The following HDLBP variants were observed in gnomAD, a reference collection of about 807,000 sequenced individuals.
HDLBP encodes the protein high density lipoprotein binding protein, also known as vigilin.
In HDLBP, 30 loss-of-function variants were observed where a neutral mutation model predicts 137.3. That is an observed-to-expected ratio of 0.22 (90% CI 0.16 to 0.30). HDLBP has a LOEUF of 0.30. HDLBP is among the 10% of genes least tolerant of loss of function. The pLI is 1.00. For missense variants in HDLBP, 1,119 were observed against 1,667.3 expected (o/e 0.67, Z 5.73); for synonymous variants, 606 against 596.0 (o/e 1.02, Z -0.24).
chr2:241,231,646 A>AGGCTGGC (rs1334882963), intron 24 of HDLBP, among the ~76,000 whole-genome samples: 58 of 151,736 alleles, frequency 3.8e-4, no homozygotes, highest in Non-Finnish European at 1.5e-5. Flanking sequence ...TGGAGGCTGG[A>AGGCTGGC]GGCTGGCTGG....
Position 241,304,529 on chromosome 2 carries a change from G to A in HDLBP, c.-103+11041C>T, listed in dbSNP as rs137942399. 4.3e-4 allele frequency among the ~76,000 whole-genome samples: 65 copies of A among 152,376 alleles called. 1 individual carries two copies. The East Asian group carries it at 0.01, about 24-fold the overall frequency. On this transcript the variant is annotated intron_variant, in intron 1 of 27. Transcript: ENST00000310931. Reference sequence around the variant, plus strand: ...CAGCAGGTTACTGCAGAGATAGGCCGTGAGTGCCTAAATGGCTTTAGGGCT... The same window carrying A: ...CAGCAGGTTACTGCAGAGATAGGCCATGAGTGCCTAAATGGCTTTAGGGCT...
intron 5 of HDLBP, among the ~76,000 whole-genome samples, chr2:241,261,184 G>A (rs1172356545): frequency 2.8e-5 from 3 of 105,666 alleles, no homozygotes; most frequent in Non-Finnish European, 5.3e-5. Context: ...AACAAAGTGA[G>A]ATCCTGTCTC....
Position 241,272,907 on chromosome 2 carries a change from G to GCCCCGCCGCTGGGGT in HDLBP, c.-102-4381_-102-4367dup, listed in dbSNP as rs1382890802. On this transcript the variant is annotated intron_variant, in intron 1 of 27. Coordinates refer to ENST00000310931, the MANE Select transcript of HDLBP (RefSeq NM_005336.6). This position sits in a 1 kb window ranked among gnomAD's most constrained non-coding sequence, Gnocchi z 5.6. ...CGCCTGGACACGTCAGCGCCCGCCC[G>GCCCCGCCGCTGGGGT]CCCCGCCGCTGGGGTCCCCGCCGCC... is the stretch of plus-strand genomic sequence containing the variant. The GCCCCGCCGCTGGGGT allele has an allele frequency of 1.3e-5, 8 of 610,078 alleles. No individual in the cohort carries two copies. The highest frequency in any genetic ancestry group is 7.1e-5 in the South Asian group (1 of 14,136). 37.8% of individuals were successfully genotyped at this position (610,078 alleles called of 1,614,324 possible). A position where few individuals can be genotyped will look rare whatever the true frequency, so the allele number is the denominator to read the frequency against.
chr2:241,255,259 A>G (rs2072524280), intron 8 of HDLBP, 101 bp from the exon 9 acceptor site: 2 of 1,426,992 alleles, frequency 1.4e-6, no homozygotes, highest in African/African-American at 2.8e-5. Context: ...GCTCTCCCCA[A>G]ACCTGGGCAC....
At position 241,230,987 on chromosome 2, in the gene HDLBP, G is replaced by GGA; in HGVS notation, c.3289-45_3289-44dup. On this transcript the variant is annotated intron_variant, in intron 24 of 27. Coordinates refer to ENST00000310931, the MANE Select transcript of HDLBP (RefSeq NM_005336.6). This position sits in a 1 kb window ranked among gnomAD's most constrained non-coding sequence, Gnocchi z 5.0. ...AGTCAGAAAAGGGGATGCCTTACTG[G>GGA]GATTCCCGTCAGGGGCAAGAGCCGG... 1 of 1,568,710 alleles carries GGA rather than the reference G, an allele frequency of 6.4e-7. No homozygotes were observed. Among genetic ancestry groups the GGA allele is most frequent in the Non-Finnish European group, 8.8e-7 (1 of 1,141,436 alleles).
At chr2:241,255,802 C>T (rs969956553) in intron 7 of HDLBP, among the ~76,000 whole-genome samples, 19 of 152,334 alleles carry the variant, frequency 1.2e-4, no homozygotes, top group African/African-American at 3.8e-4. Flanking sequence ...CTGATAACTT[C>T]GTCCTTGAAC....
chr2:241,299,412 G>A (rs1044315364), intron 1 of HDLBP, among the ~76,000 whole-genome samples: 1 of 149,494 alleles, frequency 6.7e-6, no homozygotes, highest in African/African-American at 2.5e-5. Context: ...AGCTACTCGG[G>A]AGGCTGAGGC....
At chr2:241,310,727 A>G (rs906248010) in intron 1 of HDLBP, among the ~76,000 whole-genome samples, 7 of 152,224 alleles carry the variant, frequency 4.6e-5, no homozygotes, top group African/African-American at 1.4e-4. Context: ...GTTGAAGAAC[A>G]TGAGTTGCAA....
At chr2:241,241,305 C>G (rs1170987462) in intron 17 of HDLBP, among the ~76,000 whole-genome samples, 1 of 152,042 alleles carries the variant, frequency 6.6e-6, no homozygotes, top group Non-Finnish European at 1.5e-5. Flanking sequence ...CAGTGGCTCA[C>G]GCCTGTAATC....
chr2:241,255,173 G>A lies in HDLBP; in HGVS notation c.1081-15C>T, dbSNP rs368277659. 5.6e-6 allele frequency: 9 copies of A among 1,608,386 alleles called. No homozygotes were observed. The East Asian group carries it at 2.0e-4, about 36-fold the overall frequency. ...AAGCTATTGGCCTAAGAAAATGGGA[G>A]AACAGCCATGGGTTTGCAGAGCTCA... On this transcript the variant is annotated splice_polypyrimidine_tract_variant and intron_variant, in intron 8 of 27. Coordinates refer to ENST00000310931, the MANE Select transcript of HDLBP (RefSeq NM_005336.6).
Position 241,238,100 on chromosome 2 carries a change from G to C in HDLBP, c.2749+549C>G, listed in dbSNP as rs932347975. Among the ~76,000 whole-genome samples the C allele has an allele frequency of 6.6e-6, 1 of 152,226 alleles. No homozygotes were observed. The highest frequency in any genetic ancestry group is 1.5e-5 in the Non-Finnish European group (1 of 68,038). On this transcript the variant is annotated intron_variant, in intron 20 of 27. Transcript: ENST00000310931. The surrounding 1 kb of genome is among the most constrained non-coding windows in gnomAD (Gnocchi z 4.9). ...CTTTTGTTTCACAAATGCAGAGCAA[G>C]TGAGAGAGAGGCAACCGACCCGCAT...
At position 241,249,878 on chromosome 2, in the gene HDLBP, T is replaced by G; in HGVS notation, c.1475A>C (p.Gln492Pro). 1 of 1,613,388 alleles carries G rather than the reference T, an allele frequency of 6.2e-7. No homozygotes were observed. Among genetic ancestry groups the G allele is most frequent in the Non-Finnish European group, 8.5e-7 (1 of 1,179,716 alleles). The part of the protein sequence containing the change: ...RIEGDPQGVQ[Q>P]AKRELLELAS... Reference sequence around the variant, plus strand: ...AAGCTCCAGCAGCTCTCGCTTGGCCTGCTGCACGCCCTGTGGGTCCCCCTC... The same window carrying G: ...AAGCTCCAGCAGCTCTCGCTTGGCCGGCTGCACGCCCTGTGGGTCCCCCTC... The change falls in exon 12 of 28, where the codon CAG becomes CCG. Residue 492 changes from glutamine to proline, a missense_variant. This residue lies in a region of HDLBP where 425 missense variants were observed against 693.9 expected (regional missense o/e 0.61). Coordinates refer to ENST00000310931, the MANE Select transcript of HDLBP (RefSeq NM_005336.6).
At chr2:241,253,615 T>TGAGG (rs1343703715) in intron 9 of HDLBP, 118 bp from the exon 10 acceptor site, 1 of 698,478 alleles carries the variant, frequency 1.4e-6, no homozygotes, top group Non-Finnish European at 2.6e-6. Flanking sequence ...CACATAGATG[T>TGAGG]GAGGGAGGGA....
In HDLBP at chr2:241,272,730, C is replaced by CA. The variant is rs2074202734; in HGVS notation, c.-102-4190dup. On this transcript the variant is annotated intron_variant, in intron 1 of 27. Coordinates refer to ENST00000310931, the MANE Select transcript of HDLBP (RefSeq NM_005336.6). The surrounding 1 kb of genome is among the most constrained non-coding windows in gnomAD (Gnocchi z 5.6). ...CGCCCGCCCCGTCCGCCCGCCCGCC[C>CA]AGGCCTCCCAGCCCCGTGTTGCGCG... 1 of 455,480 alleles carries CA rather than the reference C, an allele frequency of 2.2e-6. No individual in the cohort carries two copies. The allele number at this position is 455,480 out of a possible 1,614,324, so 28.2% of individuals were successfully genotyped here.
chr2:241,303,973 T>C (rs373346440), intron 1 of HDLBP, among the ~76,000 whole-genome samples: 50 of 152,234 alleles, frequency 3.3e-4, no homozygotes, highest in African/African-American at 1.2e-3. Context: ...CAGGTCCAGC[T>C]AACTTTTTTC....
At chr2:241,232,632 A>G (rs1368510834) in intron 24 of HDLBP, among the ~76,000 whole-genome samples, 1 of 152,132 alleles carries the variant, frequency 6.6e-6, no homozygotes, top group African/African-American at 2.4e-5. Flanking sequence ...ATAAAAGGCA[A>G]TAAGGGTGAG....
intron 1 of HDLBP, among the ~76,000 whole-genome samples, chr2:241,297,673 A>C (rs926580027): frequency 6.6e-6 from 1 of 152,112 alleles, no homozygotes; most frequent in African/African-American, 2.4e-5. Context: ...GAAAAGGCAG[A>C]ATCCAGGTCT....
intron 1 of HDLBP, among the ~76,000 whole-genome samples, chr2:241,283,621 C>T (rs542136418): frequency 6.6e-6 from 1 of 151,758 alleles, no homozygotes; most frequent in African/African-American, 2.4e-5. Context: ...ACTACAGGCG[C>T]CCACCACCAC....
chr2:241,236,506 C>T (rs934600601), intron 21 of HDLBP, 109 bp downstream of exon 21: 2 of 1,107,996 alleles, frequency 1.8e-6, no homozygotes, highest in African/African-American at 3.1e-5. Flanking sequence ...GCTACCTCCA[C>T]TGCCACTGCC....
Sources: gnomAD v4.1 joint callset for allele counts (sites outside exome capture counted in the v4.1 genomes callset) on GRCh38, gnomAD v4.1.1 for gene constraint, gnomAD v4.1.1 regional missense constraint, Gnocchi (gnomAD v3.1) non-coding constraint, MANE v1.5 for transcripts, NCBI Gene and HGNC (gene_info 2026-07-23, HGNC 2026-07-21) for gene names.